The following SAMD3 variants were observed in gnomAD, a reference collection of about 807,000 sequenced individuals.
The protein encoded by SAMD3 is sterile alpha motif domain containing 3, also known as sterile alpha motif domain-containing protein 3.
In SAMD3, 63 loss-of-function variants were observed where a neutral mutation model predicts 58.5. That is an observed-to-expected ratio of 1.08 (90% confidence interval 0.88 to 1.33). SAMD3 has a LOEUF of 1.33. SAMD3 is among the 40% of genes most tolerant of loss of function. The probability of loss-of-function intolerance (pLI) is 0.00; values close to 1 mark genes in which losing one functional copy is unlikely to be tolerated. For synonymous variants in SAMD3, 220 were observed against 210.3 expected (o/e 1.05, Z -0.40); for missense variants, 604 against 608.4 (o/e 0.99, Z 0.08).
intron 5 of SAMD3, among the ~76,000 whole-genome samples, chr6:130,194,532 T>A (rs2114754314): frequency 6.6e-6 from 1 of 152,154 alleles, no homozygotes; most frequent in Non-Finnish European, 1.5e-5. Flanking sequence ...CCCAGCCACA[T>A]CTCCAGCACA....
chr6:130,321,579 G>A (rs1296088800), intron 1 of SAMD3, among the ~76,000 whole-genome samples: 1 of 152,044 alleles, frequency 6.6e-6, no homozygotes, highest in Non-Finnish European at 1.5e-5. Context: ...TATCCCCACT[G>A]ACACATACAA....
chr6:130,170,953 C>T (rs1189757082), intron 8 of SAMD3, among the ~76,000 whole-genome samples: 2 of 152,208 alleles, frequency 1.3e-5, no homozygotes, highest in African/African-American at 4.8e-5. Context: ...TGCCTGACTG[C>T]TCAGGCCAGA....
chr6:130,237,303 A>G (rs1158792746), intron 2 of SAMD3, among the ~76,000 whole-genome samples: 1 of 152,166 alleles, frequency 6.6e-6, no homozygotes, highest in Non-Finnish European at 1.5e-5. Flanking sequence ...TTTTAGTTGT[A>G]TGCATTACAG....
At chr6:130,165,046 T>C (rs1437141233) in intron 8 of SAMD3, among the ~76,000 whole-genome samples, 2 of 152,154 alleles carry the variant, frequency 1.3e-5, no homozygotes, top group Non-Finnish European at 2.9e-5. Context: ...GTTGGAGACT[T>C]CAATACTTCA....
intron 2 of SAMD3, among the ~76,000 whole-genome samples, chr6:130,269,817 G>T (rs1018142827): frequency 6.6e-6 from 1 of 151,646 alleles, no homozygotes; most frequent in Non-Finnish European, 1.5e-5. Context: ...CTGTTCATCT[G>T]AGGTCTTTCC....
intron 2 of SAMD3, among the ~76,000 whole-genome samples, chr6:130,272,394 G>A (rs1005279387): frequency 1.3e-5 from 2 of 152,144 alleles, no homozygotes; most frequent in African/African-American, 2.4e-5. Flanking sequence ...GGGACAGTCA[G>A]TATCTAACTT....
chr6:130,365,810 C>G (rs1251796279), upstream of SAMD3: 3 of 985,384 alleles, frequency 3.0e-6, no homozygotes, highest in Non-Finnish European at 3.6e-6. Context: ...ATCGGCCGGC[C>G]TGGGCTCCTG....
intron 9 of SAMD3, among the ~76,000 whole-genome samples, chr6:130,148,920 G>T (rs141401510): frequency 6.6e-6 from 1 of 152,132 alleles, no homozygotes; most frequent in Non-Finnish European, 1.5e-5. Flanking sequence ...AACTTGCTAC[G>T]GAGATGTTAT....
At chr6:130,362,988 A>G (rs1400593505) in intron 1 of SAMD3, among the ~76,000 whole-genome samples, 3 of 152,258 alleles carry the variant, frequency 2.0e-5, no homozygotes, top group East Asian at 1.9e-4. Context: ...TCTTTATCCT[A>G]TATTCCTCCC....
At chr6:130,178,986 G>T (rs1582809745) in intron 7 of SAMD3, among the ~76,000 whole-genome samples, 1 of 152,114 alleles carries the variant, frequency 6.6e-6, no homozygotes. Context: ...AGAATGGCTT[G>T]TATTTTTCTT....
upstream of SAMD3, chr6:130,365,840 G>A (rs940558568): frequency 3.3e-5 from 33 of 985,478 alleles, no homozygotes; most frequent in Admixed American, 8.6e-4. Context: ...TCCTGTCTGC[G>A]TCCTCCAGGA....
chr6:130,183,076 T>C (rs1377004076), intron 7 of SAMD3: 2 of 300,678 alleles, frequency 6.7e-6, no homozygotes, highest in East Asian at 1.8e-4. Flanking sequence ...GACAGTGGTC[T>C]TTGAAATCCA....
At chr6:130,232,226 G>A (rs1252343326) in intron 2 of SAMD3, among the ~76,000 whole-genome samples, 1 of 152,124 alleles carries the variant, frequency 6.6e-6, no homozygotes, top group Admixed American at 6.5e-5. Flanking sequence ...AGGATAGGCT[G>A]GAAATGGAAC....
chr6:130,351,604 T>C (rs1424681967), intron 1 of SAMD3, among the ~76,000 whole-genome samples: 2 of 152,108 alleles, frequency 1.3e-5, no homozygotes, highest in East Asian at 1.9e-4. Flanking sequence ...TGTGGAGAAA[T>C]AGGAACACTT....
intron 2 of SAMD3, among the ~76,000 whole-genome samples, chr6:130,277,853 G>A (rs1214711048): frequency 1.3e-5 from 2 of 152,140 alleles, no homozygotes; most frequent in Admixed American, 1.3e-4. Context: ...CCTGGGTGTA[G>A]GGTGAATTAA....
intron 2 of SAMD3, among the ~76,000 whole-genome samples, chr6:130,260,605 G>A (rs1160236664): frequency 6.6e-6 from 1 of 152,170 alleles, no homozygotes; most frequent in Non-Finnish European, 1.5e-5. Flanking sequence ...AGCTGGCCCT[G>A]CTACATTTCT....
intron 7 of SAMD3, among the ~76,000 whole-genome samples, chr6:130,177,930 G>T (rs1400852748): frequency 6.6e-6 from 1 of 152,072 alleles, no homozygotes; most frequent in African/African-American, 2.4e-5. Context: ...CTGAGTCTTG[G>T]CAGTGCTTAG....
intron 2 of SAMD3, among the ~76,000 whole-genome samples, chr6:130,266,791 C>A (rs777627000): frequency 6.6e-6 from 1 of 152,170 alleles, no homozygotes; most frequent in Non-Finnish European, 1.5e-5. Flanking sequence ...TCCTAGGCTT[C>A]CCTGCCTATG....
At chr6:130,179,965 C>A (rs534544713) in intron 7 of SAMD3, among the ~76,000 whole-genome samples, 93 of 152,016 alleles carry the variant, frequency 6.1e-4, no homozygotes, top group African/African-American at 2.2e-3. Context: ...CAGTTACCTG[C>A]CACCATGCCC....
Sources: allele counts gnomAD v4.1 joint callset (sites outside exome capture counted in the v4.1 genomes callset), GRCh38; gene constraint gnomAD v4.1.1; transcripts MANE v1.5; gene names NCBI Gene and HGNC (gene_info 2026-07-23, HGNC 2026-07-21).